The following ATG10 variants were observed in gnomAD, a reference collection of about 807,000 sequenced individuals.
ATG10 encodes the protein autophagy related 10.
Under a neutral mutation model 32.1 loss-of-function variants are expected in ATG10, and 30 were observed. The ratio of observed to expected loss-of-function variants is 0.94; its 90% CI spans 0.70 to 1.27. The LOEUF is 1.27. ATG10 is among the 50% of genes most tolerant of loss of function. The pLI, the probability that ATG10 is intolerant of heterozygous loss-of-function variation, is 0.00. For synonymous variants in ATG10, 87 were observed against 91.5 expected (o/e 0.95, Z 0.28); for missense variants, 233 against 262.3 (o/e 0.89, Z 0.77).
chr5:81,989,119 A>G (rs1761379560), intron 2 of ATG10, among the ~76,000 whole-genome samples: 1 of 152,206 alleles, frequency 6.6e-6, no homozygotes, highest in Admixed American at 6.5e-5. Context: ...ATGAGCCACC[A>G]CACTTGGCCT....
chr5:82,176,360 A>G (rs1402955998), intron 4 of ATG10, among the ~76,000 whole-genome samples: 4 of 152,198 alleles, frequency 2.6e-5, no homozygotes, highest in African/African-American at 9.7e-5. Context: ...TGGCAGATAC[A>G]TATTTCGTAA....
chr5:82,239,795 A>G (rs1437290881), intron 5 of ATG10, among the ~76,000 whole-genome samples: 1 of 152,218 alleles, frequency 6.6e-6, no homozygotes, highest in Admixed American at 6.5e-5. Flanking sequence ...ATCAGAATAT[A>G]TAAGGAACTC....
chr5:82,011,396 GCT>G (rs1400801391), intron 2 of ATG10, among the ~76,000 whole-genome samples: 1 of 151,986 alleles, frequency 6.6e-6, no homozygotes, highest in East Asian at 1.9e-4. Context: ...CATTATTTCT[GCT>G]CTTTGTCTCT....
At chr5:82,226,571 G>A (rs1426203089) in intron 5 of ATG10, among the ~76,000 whole-genome samples, 1 of 152,042 alleles carries the variant, frequency 6.6e-6, no homozygotes, top group Non-Finnish European at 1.5e-5. Flanking sequence ...GGATTATAAT[G>A]GAAGCTTTAT....
chr5:82,220,564 A>AT lies in ATG10; in HGVS notation c.454-31990dup, dbSNP rs537678053. 4.2e-4 allele frequency among the ~76,000 whole-genome samples: 64 copies of AT among 150,678 alleles called. No homozygotes were observed. In the East Asian group the frequency reaches 0.01, roughly 25 times the overall value. ...GGTGTGAGCTACCGCGCCTGGCTGG[A>AT]TTTTTTTTAAATCACAAATGCAGTG... On this transcript the variant is annotated intron_variant, in intron 5 of 7. Coordinates refer to ENST00000282185, the MANE Select transcript of ATG10 (RefSeq NM_031482.5).
chr5:82,158,205 T>C (rs1475724443), intron 3 of ATG10, among the ~76,000 whole-genome samples: 1 of 152,204 alleles, frequency 6.6e-6, no homozygotes, highest in Non-Finnish European at 1.5e-5. Flanking sequence ...CTATAATTAA[T>C]GTGAACCATT....
At chr5:82,057,554 C>T (rs995364458) in intron 2 of ATG10, among the ~76,000 whole-genome samples, 10 of 152,122 alleles carry the variant, frequency 6.6e-5, no homozygotes, top group Non-Finnish European at 7.4e-5. Flanking sequence ...GAAGATTAAC[C>T]CCTTAGTCCT....
At chr5:82,165,763 C>T (rs557435330) in intron 4 of ATG10, among the ~76,000 whole-genome samples, 2 of 152,124 alleles carry the variant, frequency 1.3e-5, no homozygotes, top group Admixed American at 1.3e-4. Flanking sequence ...TGTCAGTGAG[C>T]TGTGCTATAC....
At chr5:81,990,598 A>G (rs1761425332) in intron 2 of ATG10, among the ~76,000 whole-genome samples, 1 of 152,198 alleles carries the variant, frequency 6.6e-6, no homozygotes, top group African/African-American at 2.4e-5. Context: ...CCTTTCTCTA[A>G]AAAGGGATGT....
chr5:81,979,420 C>T (rs187122940), intron 1 of ATG10, among the ~76,000 whole-genome samples: 76 of 152,036 alleles, frequency 5.0e-4, no homozygotes, highest in African/African-American at 1.5e-3. Context: ...CCTAGCTACT[C>T]GGGAGGCTGA....
At chr5:82,107,981 G>A (rs1490196046) in intron 3 of ATG10, among the ~76,000 whole-genome samples, 1 of 151,956 alleles carries the variant, frequency 6.6e-6, no homozygotes, top group Non-Finnish European at 1.5e-5. Flanking sequence ...ACAATTCTAG[G>A]CCTGAGGCTA....
chr5:82,137,321 G>T (rs938903063), intron 3 of ATG10, among the ~76,000 whole-genome samples: 2 of 152,150 alleles, frequency 1.3e-5, no homozygotes, highest in Non-Finnish European at 2.9e-5. Flanking sequence ...TAGCCTTTTT[G>T]TACTGGTTTT....
At chr5:82,109,089 T>A (rs554559503) in intron 3 of ATG10, among the ~76,000 whole-genome samples, 7 of 152,204 alleles carry the variant, frequency 4.6e-5, no homozygotes, top group African/African-American at 1.7e-4. Context: ...CTAACCTTGG[T>A]GGAAGACTAC....
chr5:82,034,707 G>C (rs1435056609), intron 2 of ATG10, among the ~76,000 whole-genome samples: 1 of 151,786 alleles, frequency 6.6e-6, no homozygotes, highest in South Asian at 2.1e-4. Context: ...TGCTGTTTCT[G>C]TGGCGCCTCG....
At chr5:82,117,482 G>T (rs1041850026) in intron 3 of ATG10, among the ~76,000 whole-genome samples, 4 of 152,012 alleles carry the variant, frequency 2.6e-5, no homozygotes, top group Non-Finnish European at 5.9e-5. Flanking sequence ...TCCAACCTTT[G>T]ATCTTTGTCT....
chr5:82,113,256 T>G lies in ATG10; in HGVS notation c.217-51143T>G, dbSNP rs556792420. On this transcript the variant is annotated intron_variant, in intron 3 of 7. Transcript: ENST00000282185. ...TTGGTTTGTAGCTTGCCAAAGAGCA[T>G]GTGAGTGCATATTTGATCAGAAGCA... Among the ~76,000 whole-genome samples, 292 of 152,068 alleles carry G rather than the reference T, an allele frequency of 1.9e-3. 1 individual carries two copies. The highest frequency in any genetic ancestry group is 6.7e-3 in the African/African-American group (279 of 41,530).
intron 4 of ATG10, among the ~76,000 whole-genome samples, chr5:82,175,873 T>G (rs1229705871): frequency 6.6e-6 from 1 of 151,370 alleles, no homozygotes; most frequent in African/African-American, 2.4e-5. Flanking sequence ...TTGTTTATTT[T>G]CACACACACA....
chr5:82,016,837 T>C (rs1172468645), intron 2 of ATG10, among the ~76,000 whole-genome samples: 1 of 151,990 alleles, frequency 6.6e-6, no homozygotes, highest in Non-Finnish European at 1.5e-5. Context: ...TGTAGGCGCC[T>C]GCCACCACGC....
At chr5:82,013,481 C>T (rs773238342) in intron 2 of ATG10, among the ~76,000 whole-genome samples, 8 of 152,082 alleles carry the variant, frequency 5.3e-5, no homozygotes, top group Admixed American at 2.0e-4. Context: ...AGGGTGTGTG[C>T]GAGTATCTTT....
Sources: gnomAD v4.1 joint callset for allele counts (sites outside exome capture counted in the v4.1 genomes callset) on GRCh38, gnomAD v4.1.1 for gene constraint, MANE v1.5 for transcripts, NCBI Gene and HGNC (gene_info 2026-07-23, HGNC 2026-07-21) for gene names.